IGBP1: variants seen among roughly 807,000 people sequenced by gnomAD.
IGBP1 encodes immunoglobulin binding protein 1.
Under a neutral mutation model 25.9 loss-of-function variants are expected in IGBP1, and 2 were observed. The ratio of observed to expected loss-of-function variants is 0.08; its 90% CI spans 0.03 to 0.24. IGBP1 has a LOEUF of 0.24. Among genes scored for constraint, IGBP1 ranks in the 10% least tolerant of loss-of-function variants. The pLI is 1.00. For missense variants in IGBP1, 187 were observed against 260.4 expected, an observed-to-expected ratio of 0.72 and a Z score of 1.94; for synonymous variants, 96 against 93.4, an observed-to-expected ratio of 1.03 and a Z score of -0.16.
chrX:70,153,104 T>C (rs1303462283), intron 6 of IGBP1, among the ~76,000 whole-genome samples: 1 of 112,247 alleles, frequency 8.9e-6, no homozygotes, highest in African/African-American at 3.2e-5. Flanking sequence ...AACAAGGATA[T>C]ACATTATTGC....
chrX:70,150,580 A>G (rs957307513), intron 6 of IGBP1, among the ~76,000 whole-genome samples: 6 of 112,186 alleles, frequency 5.3e-5, no homozygotes, highest in African/African-American at 1.3e-4. Context: ...AGAAAACTCA[A>G]TCTATGGATA....
chrX:70,165,431 A>T (rs1349079554), intron 6 of IGBP1, among the ~76,000 whole-genome samples: 1 of 110,622 alleles, frequency 9.0e-6, no homozygotes, highest in East Asian at 2.8e-4. Context: ...CTGGCAACTC[A>T]CAAATCACAA....
intron 3 of IGBP1, 119 bp downstream of exon 3, chrX:70,134,935 C>A: frequency 1.4e-6 from 1 of 707,823 alleles, no homozygotes; most frequent in Non-Finnish European, 2.2e-6. Flanking sequence ...TCTTATTGAG[C>A]ATAGGCCCTA....
intron 3 of IGBP1, among the ~76,000 whole-genome samples, chrX:70,137,035 C>T (rs150847823): frequency 9.0e-6 from 1 of 111,543 alleles, no homozygotes; most frequent in East Asian, 2.8e-4. Flanking sequence ...AGCATGATCA[C>T]ATTTGCATTT....
Position 70,155,468 on chromosome X carries a change from C to T in IGBP1, c.871+5146C>T, listed in dbSNP as rs768553826. Among the ~76,000 whole-genome samples the T allele has an allele frequency of 2.6e-3, 244 of 95,051 alleles. 3 individuals are homozygous for T. The highest frequency in any genetic ancestry group is 0.02 in the South Asian group (40 of 1,964). The allele number at this position is 95,051 out of a possible 115,157, so 82.5% of individuals were successfully genotyped here. A position where few individuals can be genotyped will look rare whatever the true frequency, so the allele number is the denominator to read the frequency against. On this transcript the variant is annotated intron_variant, in intron 6 of 6. Transcript: ENST00000356413. ...CGAGACCACACCACTGCACTCCAGC[C>T]TGGGTGACAGAGTGAGACTCTGTCT...
intron 6 of IGBP1, among the ~76,000 whole-genome samples, chrX:70,154,794 G>T (rs1303649953): frequency 9.5e-6 from 1 of 105,226 alleles, no homozygotes; most frequent in Non-Finnish European, 1.9e-5. Context: ...ATACTCAGGA[G>T]GCTGAGGTGG....
At position 70,150,197 on chromosome X, in the gene IGBP1, G is replaced by T. The variant is rs369348152; in HGVS notation, c.759-13G>T. Reference sequence around the variant, plus strand: ...TGTTTTTTTGTTTTCTAAATGCAGCGTAATTTTTGCAGAGTATTTGGAGCT... The same window carrying T: ...TGTTTTTTTGTTTTCTAAATGCAGCTTAATTTTTGCAGAGTATTTGGAGCT... On this transcript the variant is annotated splice_polypyrimidine_tract_variant and intron_variant, in intron 5 of 6. Coordinates refer to ENST00000356413, the MANE Select transcript of IGBP1 (RefSeq NM_001551.3). The T allele has an allele frequency of 1.9e-6, 2 of 1,050,589 alleles. No homozygotes were observed. Among genetic ancestry groups the T allele is most frequent in the African/African-American group, 3.7e-5 (2 of 54,391 alleles). The allele number at this position is 1,050,589 out of a possible 1,213,427, so 86.6% of individuals were successfully genotyped here. A position where few individuals can be genotyped will look rare whatever the true frequency, so the allele number is the denominator to read the frequency against.
At chrX:70,143,919 C>T (rs899302329) in intron 3 of IGBP1, among the ~76,000 whole-genome samples, 3 of 112,545 alleles carry the variant, frequency 2.7e-5, no homozygotes, top group South Asian at 7.3e-4. Context: ...AGGCTGGGCG[C>T]GGTGGCTCAC....
chrX:70,145,757 A>G (rs1478734159), intron 3 of IGBP1, among the ~76,000 whole-genome samples: 1 of 111,798 alleles, frequency 8.9e-6, no homozygotes, highest in Non-Finnish European at 1.9e-5. Context: ...ATTCCTTAGC[A>G]TACTCTTCTA....
intron 3 of IGBP1, among the ~76,000 whole-genome samples, chrX:70,140,526 A>C (rs142067769): frequency 5.3e-5 from 6 of 112,577 alleles, no homozygotes; most frequent in African/African-American, 1.6e-4. Flanking sequence ...AGTTATAGCT[A>C]TCAGAGATAC....
At chrX:70,144,805 G>A (rs1479971988) in intron 3 of IGBP1, among the ~76,000 whole-genome samples, 3 of 106,553 alleles carry the variant, frequency 2.8e-5, no homozygotes, top group Admixed American at 2.0e-4. Context: ...AATTACAGGC[G>A]CCTGCCACCA....
At chrX:70,154,055 ATT>A (rs36090746) in intron 6 of IGBP1, among the ~76,000 whole-genome samples, 76 of 65,552 alleles carry the variant, frequency 1.2e-3, no homozygotes, top group Admixed American at 2.0e-3. Flanking sequence ...CCATCACATA[ATT>A]TTTTTTTTTT....
chrX:70,155,937 T>TA (rs892643903), intron 6 of IGBP1, among the ~76,000 whole-genome samples: 3 of 112,227 alleles, frequency 2.7e-5, no homozygotes, highest in African/African-American at 6.5e-5. Flanking sequence ...CTTGAATACT[T>TA]ACAGGCTACT....
At chrX:70,162,298 AG>A (rs2085275149) in intron 6 of IGBP1, among the ~76,000 whole-genome samples, 1 of 112,018 alleles carries the variant, frequency 8.9e-6, no homozygotes. Context: ...ACCCAAACTG[AG>A]GGACATTCTA....
intron 4 of IGBP1, 36 bp downstream of exon 4, chrX:70,146,864 T>A: frequency 1.0e-6 from 1 of 999,015 alleles, no homozygotes; most frequent in Non-Finnish European, 1.4e-6. Flanking sequence ...GCCAGAGATT[T>A]GAGTATTCTA....
chrX:70,134,276 G>A lies in IGBP1; in HGVS notation c.188+141G>A, dbSNP rs1273449518. The A allele has an allele frequency of 2.0e-5, 12 of 597,202 alleles. No individual in the cohort carries two copies. In the East Asian group the frequency reaches 4.2e-4, roughly 21 times the overall value. The allele number at this position is 597,202 out of a possible 1,213,427, so 49.2% of individuals were successfully genotyped here. A position where few individuals can be genotyped will look rare whatever the true frequency, so the allele number is the denominator to read the frequency against. ...TTACCACTGCGATCTTGTGTACATTGTTTACATTCCCCACCTCTCTTCCCA... is the reference window on the plus strand; with the variant it reads ...TTACCACTGCGATCTTGTGTACATTATTTACATTCCCCACCTCTCTTCCCA... On this transcript the variant is annotated intron_variant, in intron 2 of 6. Transcript: ENST00000356413.
At chrX:70,158,912 A>G (rs1454673572) in intron 6 of IGBP1, among the ~76,000 whole-genome samples, 1 of 112,369 alleles carries the variant, frequency 8.9e-6, no homozygotes, top group African/African-American at 3.2e-5. Context: ...TGGATTGTGA[A>G]ATACAGCACA....
In IGBP1 at chrX:70,165,976, G is replaced by A. The variant is rs1317564114; in HGVS notation, c.1015G>A (p.Gly339Ser). The stretch of plus-strand genomic sequence containing the variant: ...GGGCTATGGGAACCGACAGAACATG[G>A]GCTGATCTTCCCACAACACCACAGG... ...PRGYGNRQNM[G>S] The change falls in exon 7 of 7, where the codon GGC becomes AGC. Residue 339 changes from glycine to serine, a missense_variant. Transcript: ENST00000356413. 8.3e-7 allele frequency: 1 copy of A among 1,211,103 alleles called. No individual in the cohort carries two copies. The highest frequency in any genetic ancestry group is 1.8e-5 in the South Asian group (1 of 56,924).
intron 3 of IGBP1, among the ~76,000 whole-genome samples, chrX:70,135,798 C>T (rs1220547639): frequency 9.0e-6 from 1 of 111,218 alleles, no homozygotes; most frequent in Non-Finnish European, 1.9e-5. Context: ...GTTGTAGGGT[C>T]CACATCAAGG....
Sources: gnomAD v4.1 joint callset for allele counts (sites outside exome capture counted in the v4.1 genomes callset) on GRCh38, gnomAD v4.1.1 for gene constraint, MANE v1.5 for transcripts, NCBI Gene and HGNC (gene_info 2026-07-23, HGNC 2026-07-21) for gene names.